Variants in SERINC5 observed in about 807,000 individuals in gnomAD.
SERINC5 encodes the protein serine incorporator 5, also known as chromosome 5 open reading frame 12.
A neutral mutation model predicts 63.1 loss-of-function variants in SERINC5; 41 were observed. The ratio of observed to expected loss-of-function variants is 0.65; its 90% CI spans 0.51 to 0.84. SERINC5 has a LOEUF of 0.84. SERINC5 is among the 40% of genes least tolerant of loss of function. The pLI, the probability that SERINC5 is intolerant of heterozygous loss-of-function variation, is 0.00. For missense variants in SERINC5, 523 were observed against 573.0 expected (o/e 0.91, Z 0.89); for synonymous variants, 222 against 215.2 (o/e 1.03, Z -0.28).
intron 2 of SERINC5, 135 bp from the exon 3 acceptor site, chr5:80,178,199 T>C (rs1748168887): frequency 9.6e-6 from 5 of 519,804 alleles, no homozygotes; most frequent in Non-Finnish European, 1.7e-5. Context: ...TGAGGATCTA[T>C]CTTCTAAAGA....
At chr5:80,137,139 C>CAAAA (rs869035894), downstream of SERINC5, among the ~76,000 whole-genome samples, 227 of 67,660 alleles carry the variant, frequency 3.4e-3, no homozygotes, top group East Asian at 6.2e-3. Context: ...GACCCTGTCT[C>CAAAA]AAAAAAAAAA....
intron 11 of SERINC5, chr5:80,113,656 G>C (rs536725906): frequency 3.8e-6 from 1 of 260,474 alleles, no homozygotes; most frequent in South Asian, 4.0e-5. Flanking sequence ...GAAAAAGAGG[G>C]AGAAGCAAAA....
intron 8 of SERINC5, among the ~76,000 whole-genome samples, chr5:80,155,336 G>A (rs112907415): frequency 0.054 from 8,217 of 152,190 alleles, 763 homozygotes; most frequent in African/African-American, 0.19. Flanking sequence ...AGGCCAAGGC[G>A]GGCGGATCAC....
chr5:80,191,480 A>T (rs1404186450), intron 2 of SERINC5, among the ~76,000 whole-genome samples: 1 of 102,216 alleles, frequency 9.8e-6, no homozygotes, highest in Non-Finnish European at 2.0e-5. Context: ...CCATCTCTAC[A>T]AAAAAAAAAA....
At chr5:80,161,325 G>A (rs919263772) in intron 7 of SERINC5, among the ~76,000 whole-genome samples, 7 of 152,212 alleles carry the variant, frequency 4.6e-5, no homozygotes, top group Middle Eastern at 3.4e-3. Flanking sequence ...AACAGTATAA[G>A]TGTTTCCGTT....
At chr5:80,181,898 A>G (rs111964670) in intron 2 of SERINC5, among the ~76,000 whole-genome samples, 4 of 152,354 alleles carry the variant, frequency 2.6e-5, no homozygotes, top group African/African-American at 9.6e-5. Flanking sequence ...TAACCAGCCC[A>G]GACCAGGAAA....
At chr5:80,137,084 G>A (rs1745211050), downstream of SERINC5, among the ~76,000 whole-genome samples, 1 of 142,492 alleles carries the variant, frequency 7.0e-6, no homozygotes, top group South Asian at 2.3e-4. Flanking sequence ...AGGTTGCAGT[G>A]AGCTGACATC....
At chr5:80,241,524 A>G (rs770455892) in intron 1 of SERINC5, among the ~76,000 whole-genome samples, 7 of 152,208 alleles carry the variant, frequency 4.6e-5, no homozygotes, top group Non-Finnish European at 8.8e-5. Flanking sequence ...AAAATATTCA[A>G]TTAGCCCTCT....
rs374601509 is a variant in SERINC5 at position 80,190,084 on chromosome 5, A to G, written c.196-12020T>C. ...TAATACATTATTTGCAAGTTCAACT[A>G]TTTACATAACTGTCTCCCGTACTTT... On this transcript the variant is annotated intron_variant, in intron 2 of 11. Coordinates refer to ENST00000507668, the MANE Select transcript of SERINC5 (RefSeq NM_001174072.3). 1.8e-3 allele frequency among the ~76,000 whole-genome samples: 248 copies of G among 136,822 alleles called. 1 individual carries two copies. Among genetic ancestry groups the G allele is most frequent in the Middle Eastern group, 0.018 (4 of 224 alleles). 89.8% of individuals were successfully genotyped at this position (136,822 alleles called of 152,430 possible).
At chr5:80,112,570 C>G (rs1410018810) in intron 12 of SERINC5, among the ~76,000 whole-genome samples, 5 of 152,130 alleles carry the variant, frequency 3.3e-5, no homozygotes, top group Non-Finnish European at 4.4e-5. Flanking sequence ...TATACTTTGT[C>G]TCTGTGTCTT....
At chr5:80,253,934 T>TA (rs1305024197) in intron 1 of SERINC5, among the ~76,000 whole-genome samples, 1 of 152,194 alleles carries the variant, frequency 6.6e-6, no homozygotes, top group African/African-American at 2.4e-5. Flanking sequence ...TTGCTTTCCT[T>TA]TCTTTTGAGA....
chr5:80,116,852 G>A (rs865863052), intron 11 of SERINC5, among the ~76,000 whole-genome samples: 3 of 150,170 alleles, frequency 2.0e-5, no homozygotes, highest in African/African-American at 2.5e-5. Context: ...TTTTTTAGAC[G>A]GGGTCTTGCT....
intron 1 of SERINC5, among the ~76,000 whole-genome samples, chr5:80,211,563 A>G (rs535623824): frequency 6.6e-6 from 1 of 152,316 alleles, no homozygotes; most frequent in Admixed American, 6.5e-5. Context: ...GCACTGGAAG[A>G]GCCGCCATCA....
At chr5:80,198,111 T>C (rs1364538711) in intron 2 of SERINC5, among the ~76,000 whole-genome samples, 1 of 152,154 alleles carries the variant, frequency 6.6e-6, no homozygotes, top group Non-Finnish European at 1.5e-5. Flanking sequence ...GTGCTGACAT[T>C]ACAGGCATGA....
intron 1 of SERINC5, 136 bp downstream of exon 1, chr5:80,255,760 G>T: frequency 2.4e-6 from 2 of 845,522 alleles, no homozygotes; most frequent in Non-Finnish European, 1.8e-6. Context: ...GCGCCGCGGG[G>T]CCAGCCCGAG....
chr5:80,131,792 T>C (rs571808908), intron 11 of SERINC5, among the ~76,000 whole-genome samples: 26 of 152,336 alleles, frequency 1.7e-4, no homozygotes, highest in Admixed American at 4.6e-4. Context: ...CTTGTCACTG[T>C]CCTAAGAAGA....
chr5:80,236,629 A>C (rs1488123902), intron 1 of SERINC5, among the ~76,000 whole-genome samples: 8 of 151,242 alleles, frequency 5.3e-5, no homozygotes, highest in Admixed American at 2.0e-4. Flanking sequence ...GGGTTCAAGC[A>C]ATTCTCCTGC....
chr5:80,113,184 G>T (rs533127609), intron 12 of SERINC5, among the ~76,000 whole-genome samples: 17 of 152,192 alleles, frequency 1.1e-4, no homozygotes, highest in Admixed American at 5.2e-4. Context: ...GGAACAAAAG[G>T]TTAAATATTC....
In SERINC5 at chr5:80,206,809, T is replaced by C. The variant is rs564339545; in HGVS notation, c.28-3756A>G. ...TTTCCTAACTGCCTCCTTCACTGATTGCTTTTTTTTTTTTTTTTTTTAAGA... is the reference window on the plus strand; with the variant it reads ...TTTCCTAACTGCCTCCTTCACTGATCGCTTTTTTTTTTTTTTTTTTTAAGA... On this transcript the variant is annotated intron_variant, in intron 1 of 11. Coordinates refer to ENST00000507668, the MANE Select transcript of SERINC5 (RefSeq NM_001174072.3). Among the ~76,000 whole-genome samples, 122 of 113,632 alleles carry C rather than the reference T, an allele frequency of 1.1e-3. 2 individuals are homozygous for C. The South Asian group carries it at 0.016, about 15-fold the overall frequency. 74.5% of individuals were successfully genotyped at this position (113,632 alleles called of 152,430 possible).
Sources: allele counts gnomAD v4.1 joint callset (sites outside exome capture counted in the v4.1 genomes callset), GRCh38; gene constraint gnomAD v4.1.1; transcripts MANE v1.5; gene names NCBI Gene and HGNC (gene_info 2026-07-23, HGNC 2026-07-21).